The following GNAS variants were observed in gnomAD, a reference collection of about 807,000 sequenced individuals.
GNAS encodes the protein protein ALEX.
In GNAS, 8 loss-of-function variants were observed where a neutral mutation model predicts 54.5. The ratio of observed to expected loss-of-function variants is 0.15; its 90% CI spans 0.09 to 0.26. The LOEUF (loss-of-function observed/expected upper bound fraction) is 0.26, where lower values mean the gene tolerates loss of function less well. GNAS is among the 10% of genes least tolerant of loss of function. The probability of loss-of-function intolerance (pLI) is 1.00; values close to 1 mark genes in which losing one functional copy is unlikely to be tolerated. For missense variants in GNAS, 170 were observed against 529.8 expected (o/e 0.32, Z 6.67); for synonymous variants, 204 against 191.4 (o/e 1.07, Z -0.54).
At chr20:58,889,263 G>T, upstream of GNAS, 1 of 1,057,104 alleles carries the variant, frequency 9.5e-7, no homozygotes, top group Non-Finnish European at 1.1e-6. Flanking sequence ...GGGCTGCGGC[G>T]CGGCGGCTGG....
chr20:58,910,297 T>G lies in GNAS; in HGVS notation c.971-37T>G. Reference sequence around the variant, plus strand: ...GCTAGCACCCCAGCTCTGCTTGAATTTTAAATTACATTAATATGTATTCCC... The same window carrying G: ...GCTAGCACCCCAGCTCTGCTTGAATGTTAAATTACATTAATATGTATTCCC... On this transcript the variant is annotated intron_variant, in intron 11 of 12. Coordinates refer to ENST00000371085, the MANE Select transcript of GNAS (RefSeq NM_000516.7). The surrounding 1 kb of genome is among the most constrained non-coding windows in gnomAD (Gnocchi z 5.8). The G allele has an allele frequency of 6.6e-7, 1 of 1,514,074 alleles. No individual in the cohort carries two copies. Among genetic ancestry groups the G allele is most frequent in the Non-Finnish European group, 9.2e-7 (1 of 1,088,680 alleles). 93.8% of individuals were successfully genotyped at this position (1,514,074 alleles called of 1,614,324 possible). A position where few individuals can be genotyped will look rare whatever the true frequency, so the allele number is the denominator to read the frequency against.
At chr20:58,893,066 C>CTT (rs869179421) in intron 1 of GNAS, among the ~76,000 whole-genome samples, 1,174 of 103,032 alleles carry the variant, frequency 0.011, 67 homozygotes, top group African/African-American at 0.036. Context: ...GGCGTGGTTT[C>CTT]TTTTTTTTTT....
At position 58,895,754 on chromosome 20, in the gene GNAS, A is replaced by G. The variant is rs528049000; in HGVS notation, c.212+70A>G. 133 of 939,382 alleles carry G rather than the reference A, an allele frequency of 1.4e-4. No individual in the cohort carries two copies. Among genetic ancestry groups the G allele is most frequent in the Non-Finnish European group, 2.2e-4 (124 of 568,468 alleles). The allele number at this position is 939,382 out of a possible 1,614,324, so 58.2% of individuals were successfully genotyped here. A position where few individuals can be genotyped will look rare whatever the true frequency, so the allele number is the denominator to read the frequency against. Reference sequence around the variant, plus strand: ...GACTTTATACTAACCTTTAGGAAGTATAGGTGGGCTTTGGGGGCTGGGCAG... The same window carrying G: ...GACTTTATACTAACCTTTAGGAAGTGTAGGTGGGCTTTGGGGGCTGGGCAG... On this transcript the variant is annotated intron_variant, in intron 2 of 12. Coordinates refer to ENST00000371085, the MANE Select transcript of GNAS (RefSeq NM_000516.7).
rs1195787578 is a variant in GNAS at position 58,845,470 on chromosome 20, C to T, written c.43+4584C>T. 3.9e-5 allele frequency among the ~76,000 whole-genome samples: 6 copies of T among 152,150 alleles called. No individual in the cohort carries two copies. The East Asian group carries it at 5.8e-4, about 15-fold the overall frequency. ...CCTTGTCACAGCTAAGACTTGTTTG[C>T]GCACCGCATCCCCCAAAACCAGTTT... On this transcript the variant is annotated intron_variant, in intron 1 of 12. Transcript: ENST00000306090.
chr20:58,880,981 T>C (rs1466700057), intron 1 of GNAS, among the ~76,000 whole-genome samples: 2 of 152,272 alleles, frequency 1.3e-5, no homozygotes, highest in Non-Finnish European at 2.9e-5. Flanking sequence ...AGGTATGAAA[T>C]ATAAAGTATG....
At chr20:58,851,705 G>A (rs1191015167) in intron 1 of GNAS, among the ~76,000 whole-genome samples, 8 of 152,262 alleles carry the variant, frequency 5.3e-5, no homozygotes, top group Admixed American at 5.2e-4. Flanking sequence ...GCAGCTGCGC[G>A]GGCAACCGCC....
chr20:58,891,693 A>C lies in GNAS; in HGVS notation c.-34A>C, dbSNP rs1311204198. 5 of 984,250 alleles carry C rather than the reference A, an allele frequency of 5.1e-6. No individual in the cohort carries two copies. Among genetic ancestry groups the C allele is most frequent in the East Asian group, 1.4e-4 (1 of 7,042 alleles). The allele number at this position is 984,250 out of a possible 1,614,324, so 61.0% of individuals were successfully genotyped here. ...GGCCGCCCGCGCCCGCCGCCGCCGC[A>C]GCCCGGCCGCGCCCCGCCGCCGCCG... On this transcript the variant is annotated 5_prime_UTR_variant, in exon 1 of 13. Coordinates refer to ENST00000371085, the MANE Select transcript of GNAS (RefSeq NM_000516.7).
chr20:58,892,757 G>A (rs1275045022), intron 1 of GNAS, among the ~76,000 whole-genome samples: 5 of 151,780 alleles, frequency 3.3e-5, no homozygotes, highest in African/African-American at 1.2e-4. Flanking sequence ...GAGTTAGTAC[G>A]AGAAGTGCCC....
In GNAS at chr20:58,909,878, C is replaced by A. The variant is rs1318489957; in HGVS notation, c.840-73C>A. 9.9e-6 allele frequency: 16 copies of A among 1,612,556 alleles called. No homozygotes were observed. Among genetic ancestry groups the A allele is most frequent in the Non-Finnish European group, 1.3e-5 (15 of 1,179,404 alleles). On this transcript the variant is annotated intron_variant, in intron 10 of 12. Transcript: ENST00000371085. This position sits in a 1 kb window ranked among gnomAD's most constrained non-coding sequence, Gnocchi z 7.3. The stretch of plus-strand genomic sequence containing the variant: ...TCTGCACTGTTTATAGAGAAGAACC[C>A]CGTGCAAGCATTCCAGACCCCTGGC...
At position 58,857,247 on chromosome 20, in the gene GNAS, G is replaced by A. The variant is rs2086560056; in HGVS notation, c.43+16361G>A. 6.6e-6 allele frequency: 1 copy of A among 152,164 alleles called. No homozygotes were observed. Among genetic ancestry groups the A allele is most frequent in the African/African-American group, 2.4e-5 (1 of 41,434 alleles). 9.4% of individuals were successfully genotyped at this position (152,164 alleles called of 1,614,324 possible). ...GCTCTCACAAATCACAATTTTAAAT[G>A]TGAGGATCATTTTGTGTATGCCCAT... is the stretch of plus-strand genomic sequence containing the variant. On this transcript the variant is annotated intron_variant, in intron 1 of 12. Transcript: ENST00000306090. This position sits in a 1 kb window ranked among gnomAD's most constrained non-coding sequence, Gnocchi z 4.1.
chr20:58,889,176 ACT>A (rs1568968965), upstream of GNAS: 23 of 1,215,008 alleles, frequency 1.9e-5, no homozygotes, highest in Non-Finnish European at 2.2e-5. Context: ...CGGCGGGGAC[ACT>A]CAGTCGCGTC....
intron 3 of GNAS, among the ~76,000 whole-genome samples, chr20:58,902,335 C>G (rs35193826): frequency 2.6e-5 from 4 of 152,184 alleles, no homozygotes; most frequent in Non-Finnish European, 1.5e-5. Context: ...AGAACCTTCC[C>G]TGGCTGTGCT....
chr20:58,903,165 A>C (rs1405601870), intron 3 of GNAS: 1 of 389,594 alleles, frequency 2.6e-6, no homozygotes, highest in East Asian at 6.0e-5. Flanking sequence ...GTGACCTATC[A>C]CTCCAGCCTC....
At chr20:58,908,548 A>T (rs1468477579) in intron 6 of GNAS, among the ~76,000 whole-genome samples, 1 of 151,442 alleles carries the variant, frequency 6.6e-6, no homozygotes, top group Admixed American at 6.6e-5. Context: ...TTGAGGGGAA[A>T]GTCCTTGATG....
intron 1 of GNAS, among the ~76,000 whole-genome samples, chr20:58,894,248 A>G (rs2089822288): frequency 6.6e-6 from 1 of 152,258 alleles, no homozygotes; most frequent in Admixed American, 6.5e-5. Context: ...ACTGTTACAC[A>G]GTTTAACACT....
intron 1 of GNAS, among the ~76,000 whole-genome samples, chr20:58,859,669 C>A (rs138170351): frequency 4.4e-4 from 67 of 151,586 alleles, no homozygotes; most frequent in African/African-American, 1.6e-3. Context: ...CTCTATCGCC[C>A]AGGCTGGAGT....
At chr20:58,877,406 C>G (rs745650551) in intron 1 of GNAS, among the ~76,000 whole-genome samples, 2 of 152,174 alleles carry the variant, frequency 1.3e-5, no homozygotes, top group Non-Finnish European at 2.9e-5. Context: ...ATGCTAGCTT[C>G]CCCCTTTCCT....
In GNAS at chr20:58,902,725, C is replaced by CTTTTTTTTTTTTTTTT. The variant is rs60022134; in HGVS notation, c.258-793_258-778dup. ...AGTGCCTGGAGCATCGCACATACGA[C>CTTTTTTTTTTTTTTTT]TTTTTTTTTTTTTTTTTTTTTTTTT... On this transcript the variant is annotated intron_variant, in intron 3 of 12. Coordinates refer to ENST00000371085, the MANE Select transcript of GNAS (RefSeq NM_000516.7). 8.6e-4 allele frequency among the ~76,000 whole-genome samples: 60 copies of CTTTTTTTTTTTTTTTT among 69,510 alleles called. 16 individuals are homozygous for CTTTTTTTTTTTTTTTT. The highest frequency in any genetic ancestry group is 3.6e-3 in the African/African-American group (54 of 15,016). The allele number at this position is 69,510 out of a possible 152,430, so 45.6% of individuals were successfully genotyped here. A position where few individuals can be genotyped will look rare whatever the true frequency, so the allele number is the denominator to read the frequency against.
At chr20:58,855,240 A>T (rs1377835116) in intron 1 of GNAS, 1 of 1,592,006 alleles carries the variant, frequency 6.3e-7, no homozygotes, top group Admixed American at 1.8e-5. Flanking sequence ...GCGGGCCCAG[A>T]AGCGCGCAGA....
Sources: gnomAD v4.1 joint callset for allele counts (sites outside exome capture counted in the v4.1 genomes callset) on GRCh38, gnomAD v4.1.1 for gene constraint, Gnocchi (gnomAD v3.1) non-coding constraint, MANE v1.5 for transcripts, NCBI Gene and HGNC (gene_info 2026-07-23, HGNC 2026-07-21) for gene names.